Variants in HIVEP3 observed in about 807,000 individuals in gnomAD.
HIVEP3 encodes the protein transcription factor HIVEP3.
In HIVEP3, 49 loss-of-function variants were observed where a neutral mutation model predicts 152.8. That is an observed-to-expected ratio of 0.32 (90% confidence interval 0.26 to 0.41). HIVEP3 has a LOEUF of 0.41. Ranked by LOEUF, HIVEP3 falls within the 10% of genes least tolerant of loss-of-function variation. The pLI, the probability that HIVEP3 is intolerant of heterozygous loss-of-function variation, is 1.00. For synonymous variants in HIVEP3, 1,269 were observed against 1,289.0 expected, an observed-to-expected ratio of 0.98 and a Z score of 0.33; for missense variants, 2,790 against 3,103.3, an observed-to-expected ratio of 0.90 and a Z score of 2.40.
chr1:41,775,526 T>G (rs1219136273), intron 1 of HIVEP3, among the ~76,000 whole-genome samples: 1 of 152,112 alleles, frequency 6.6e-6, no homozygotes, highest in Non-Finnish European at 1.5e-5. Flanking sequence ...AGTCTTACTC[T>G]GTCGCCCAGG....
At position 41,824,742 on chromosome 1, in the gene HIVEP3, AATATATATATATATATATATATATAT is replaced by A. The variant is rs375409601; in HGVS notation, c.-801+93645_-801+93670del. On this transcript the variant is annotated intron_variant, in intron 1 of 8. Coordinates refer to ENST00000372583, the MANE Select transcript of HIVEP3 (RefSeq NM_024503.5). ...AGATACCAAGCCCTGTTCCAAGTTA[AATATATATATATATATATATATATAT>A]ATATATATATATATATAGAGAGAGA... Among the ~76,000 whole-genome samples the A allele has an allele frequency of 3.6e-3, 268 of 75,102 alleles. 6 individuals carry two copies. Among genetic ancestry groups the A allele is most frequent in the South Asian group, 0.013 (30 of 2,366 alleles). The allele number at this position is 75,102 out of a possible 152,430, so 49.3% of individuals were successfully genotyped here. A position where few individuals can be genotyped will look rare whatever the true frequency, so the allele number is the denominator to read the frequency against.
chr1:41,558,213 T>C (rs559806242), intron 5 of HIVEP3, among the ~76,000 whole-genome samples: 2 of 152,176 alleles, frequency 1.3e-5, no homozygotes, highest in African/African-American at 2.4e-5. Flanking sequence ...CCAGGCAGCA[T>C]TGGGAACATT....
intron 3 of HIVEP3, among the ~76,000 whole-genome samples, chr1:41,609,345 G>T (rs922281644): frequency 6.6e-6 from 1 of 152,216 alleles, no homozygotes; most frequent in African/African-American, 2.4e-5. Context: ...CTGAGGGTAG[G>T]AACAGCCAGC....
chr1:41,579,663 G>T, intron 4 of HIVEP3, 74 bp downstream of exon 4: 1 of 1,496,518 alleles, frequency 6.7e-7, no homozygotes, highest in South Asian at 1.4e-5. Flanking sequence ...GGAACCTGAG[G>T]ATACTGTGGC....
chr1:41,720,933 A>G (rs1323526761), intron 1 of HIVEP3, among the ~76,000 whole-genome samples: 1 of 152,226 alleles, frequency 6.6e-6, no homozygotes, highest in Non-Finnish European at 1.5e-5. Context: ...TGCTAAGTGA[A>G]ATAGGCACAG....
At chr1:42,005,316 TAC>T (rs1216536716) in intron 1 of HIVEP3, among the ~76,000 whole-genome samples, 1 of 152,098 alleles carries the variant, frequency 6.6e-6, no homozygotes, top group East Asian at 1.9e-4. Context: ...ATAGTAGGTG[TAC>T]ACACACAGAC....
intron 5 of HIVEP3, among the ~76,000 whole-genome samples, chr1:41,546,718 T>G (rs978681424): frequency 3.3e-5 from 5 of 152,146 alleles, no homozygotes; most frequent in Non-Finnish European, 5.9e-5. Context: ...GACCACTCAC[T>G]CCTTACATGC....
chr1:41,593,014 G>T (rs1644610592), intron 3 of HIVEP3, among the ~76,000 whole-genome samples: 2 of 152,098 alleles, frequency 1.3e-5, no homozygotes, highest in Admixed American at 6.5e-5. Flanking sequence ...CCCCAAATCT[G>T]GTTGTTTCTG....
intron 7 of HIVEP3, 150 bp downstream of exon 7, chr1:41,518,252 T>C (rs1642664186): frequency 1.4e-6 from 1 of 726,214 alleles, no homozygotes; most frequent in Middle Eastern, 2.4e-4. Context: ...TTGGGAGAAC[T>C]GAAGGTGAAG....
chr1:41,536,592 A>T (rs184147997), intron 5 of HIVEP3, among the ~76,000 whole-genome samples: 1 of 152,270 alleles, frequency 6.6e-6, no homozygotes, highest in East Asian at 1.9e-4. Context: ...GTGACCTGGG[A>T]GGCAGGGCAT....
At position 42,020,074 on chromosome 1, in the gene HIVEP3, TC is replaced by T. The variant is rs374377112; in HGVS notation, n.119+15732del. Among the ~76,000 whole-genome samples, 602 of 152,234 alleles carry T rather than the reference TC, an allele frequency of 4.0e-3. 1 individual carries two copies. Among genetic ancestry groups the T allele is most frequent in the African/African-American group, 0.014 (581 of 41,586 alleles). ...TATCCCACTTGGTTATAATGTATTA[TC>T]TTTTTTATGTATCACTAAATTCATT... On this transcript the variant is annotated intron_variant and non_coding_transcript_variant, in intron 1 of 3. Coordinates refer to the HIVEP3 transcript ENST00000489103.
chr1:41,985,564 GATTA>G (rs1645317617), intron 1 of HIVEP3, among the ~76,000 whole-genome samples: 1 of 152,174 alleles, frequency 6.6e-6, no homozygotes, highest in Non-Finnish European at 1.5e-5. Flanking sequence ...CATGAGGGCG[GATTA>G]ATTAATTCCC....
At chr1:42,026,080 A>G (rs957370465) in intron 1 of HIVEP3, among the ~76,000 whole-genome samples, 3 of 152,064 alleles carry the variant, frequency 2.0e-5, no homozygotes, top group African/African-American at 7.2e-5. Flanking sequence ...AAAGAGAAAA[A>G]AAAAAAAATC....
chr1:41,680,725 G>T (rs1282164568), intron 2 of HIVEP3, among the ~76,000 whole-genome samples: 1 of 152,226 alleles, frequency 6.6e-6, no homozygotes, highest in African/African-American at 2.4e-5. Flanking sequence ...CAGCTCTGGC[G>T]ATCTGCCGCA....
intron 1 of HIVEP3, among the ~76,000 whole-genome samples, chr1:41,725,985 C>T (rs185989977): frequency 6.6e-6 from 1 of 152,272 alleles, no homozygotes; most frequent in East Asian, 1.9e-4. Context: ...ATGATATGCT[C>T]TGATTTCTCA....
chr1:41,816,423 A>C (rs540796132), intron 1 of HIVEP3, among the ~76,000 whole-genome samples: 3 of 152,196 alleles, frequency 2.0e-5, no homozygotes, highest in African/African-American at 7.2e-5. Flanking sequence ...GCAGTGGCAC[A>C]CTCCTGTAAT....
intron 5 of HIVEP3, among the ~76,000 whole-genome samples, chr1:41,528,010 C>T (rs1643058772): frequency 1.4e-5 from 2 of 146,052 alleles, no homozygotes; most frequent in African/African-American, 5.1e-5. Flanking sequence ...ACACTCCACA[C>T]CCCGCCCTCA....
chr1:41,985,032 G>A (rs1321775613), intron 1 of HIVEP3, among the ~76,000 whole-genome samples: 1 of 152,148 alleles, frequency 6.6e-6, no homozygotes, highest in Non-Finnish European at 1.5e-5. Context: ...CTTCCCAGGG[G>A]ATGACTGATT....
chr1:41,914,381 GTTTC>G (rs937526029), intron 1 of HIVEP3, among the ~76,000 whole-genome samples: 7 of 152,148 alleles, frequency 4.6e-5, no homozygotes, highest in African/African-American at 1.7e-4. Flanking sequence ...GTTACTGACA[GTTTC>G]TTTTAGTTAA....
Sources: gnomAD v4.1 joint callset for allele counts (sites outside exome capture counted in the v4.1 genomes callset) on GRCh38, gnomAD v4.1.1 for gene constraint, MANE v1.5 for transcripts, NCBI Gene and HGNC (gene_info 2026-07-23, HGNC 2026-07-21) for gene names.